RBM20: variants seen among roughly 807,000 people sequenced by gnomAD.
RBM20 encodes the protein RNA binding motif protein 20.
A neutral mutation model predicts 110.1 loss-of-function variants in RBM20; 51 were observed. That is an observed-to-expected ratio of 0.46 (90% CI 0.37 to 0.59). The LOEUF (loss-of-function observed/expected upper bound fraction) is 0.59. Among genes scored for constraint, RBM20 ranks in the 20% least tolerant of loss-of-function variants. The pLI is 0.00. For synonymous variants in RBM20, 589 were observed against 618.2 expected (o/e 0.95, Z 0.70); for missense variants, 1,512 against 1,574.9 (o/e 0.96, Z 0.68).
At chr10:110,725,226 G>C (rs1157912124) in intron 1 of RBM20, among the ~76,000 whole-genome samples, 1 of 152,206 alleles carries the variant, frequency 6.6e-6, no homozygotes, top group Non-Finnish European at 1.5e-5. Flanking sequence ...CCTTTCAAAG[G>C]CTGATGAAAG....
chr10:110,760,710 C>T (rs1415441841), intron 1 of RBM20, among the ~76,000 whole-genome samples: 2 of 149,776 alleles, frequency 1.3e-5, no homozygotes, highest in Non-Finnish European at 3.0e-5. Flanking sequence ...CAAAGTGCTG[C>T]GATTACAGGT....
chr10:110,828,257 G>A (rs1177981474), intron 12 of RBM20, among the ~76,000 whole-genome samples: 10 of 152,190 alleles, frequency 6.6e-5, no homozygotes, highest in Non-Finnish European at 1.2e-4. Flanking sequence ...CATCAGGGCC[G>A]GGGCAATATG....
chr10:110,752,945 A>ATATTTTTT (rs1433992064), intron 1 of RBM20, among the ~76,000 whole-genome samples: 2 of 109,014 alleles, frequency 1.8e-5, no homozygotes, highest in African/African-American at 7.5e-5. Context: ...ATATATATAT[A>ATATTTTTT]TTTTTTTTTT....
At chr10:110,834,306 G>A (rs570286194) in intron 13 of RBM20, among the ~76,000 whole-genome samples, 3 of 151,436 alleles carry the variant, frequency 2.0e-5, no homozygotes, top group African/African-American at 4.9e-5. Flanking sequence ...GCCATCCACC[G>A]TTTGCTCTTC....
rs1844749736 is a variant in RBM20, at chr10:110,810,416, G to A, written c.1834G>A (p.Asp612Asn). ...PGKAVAAIIQ[D>N]IHSQRERDMF... Reference sequence around the variant, plus strand: ...GAAGGCCGTGGCTGCCATCATCCAGGACATCCATTCCCAGAGGGAGAGGGA... The same window carrying A: ...GAAGGCCGTGGCTGCCATCATCCAGAACATCCATTCCCAGAGGGAGAGGGA... The change falls in exon 8 of 14, where the codon GAC becomes AAC. Residue 612 changes from aspartate to asparagine, a missense_variant. Asp to Asn is a conservative substitution (Grantham distance 23). Around this residue, in one of 3 missense-constraint regions of RBM20, gnomAD observed 1,149 missense variants for 1,169.4 expected, o/e 0.98. Coordinates refer to ENST00000369519, the MANE Select transcript of RBM20 (RefSeq NM_001134363.3). 6.4e-6 allele frequency: 10 copies of A among 1,551,562 alleles called. No individual in the cohort carries two copies. Among genetic ancestry groups the A allele is most frequent in the Non-Finnish European group, 8.7e-6 (10 of 1,146,912 alleles).
intron 2 of RBM20, among the ~76,000 whole-genome samples, chr10:110,782,466 A>C (rs1021784436): frequency 2.0e-5 from 3 of 152,336 alleles, no homozygotes; most frequent in South Asian, 2.1e-4. Flanking sequence ...ATGTCCCCCC[A>C]AAAAATGTAT....
chr10:110,711,191 G>A lies in RBM20; in HGVS notation c.191+66546G>A, dbSNP rs781008718. Among the ~76,000 whole-genome samples the A allele has an allele frequency of 2.0e-5, 3 of 151,106 alleles. No homozygotes were observed. In the South Asian group the frequency reaches 6.3e-4, roughly 32 times the overall value. On this transcript the variant is annotated intron_variant, in intron 1 of 13. Coordinates refer to ENST00000369519, the MANE Select transcript of RBM20 (RefSeq NM_001134363.3). ...CTAAAAATACAAAAATTAGCTGGGC[G>A]TGGTGGTGGGCACCTGTAATCCCAG...
At chr10:110,737,623 T>C (rs1217141193) in intron 1 of RBM20, among the ~76,000 whole-genome samples, 1 of 150,928 alleles carries the variant, frequency 6.6e-6, no homozygotes, top group South Asian at 2.1e-4. Context: ...TAGTTTGCCT[T>C]TTTTTTTTTG....
chr10:110,677,197 G>A (rs1472438584), intron 1 of RBM20, among the ~76,000 whole-genome samples: 1 of 152,056 alleles, frequency 6.6e-6, no homozygotes, highest in Non-Finnish European at 1.5e-5. Flanking sequence ...CTCTTATAAA[G>A]CCACCAGTCC....
intron 1 of RBM20, among the ~76,000 whole-genome samples, chr10:110,681,390 C>T (rs749413390): frequency 1.2e-4 from 19 of 152,198 alleles, no homozygotes; most frequent in Non-Finnish European, 2.2e-4. Context: ...TTGTTTAGTA[C>T]TTTATATTTA....
At chr10:110,664,066 C>G (rs979717457) in intron 1 of RBM20, among the ~76,000 whole-genome samples, 2 of 152,126 alleles carry the variant, frequency 1.3e-5, no homozygotes, top group African/African-American at 4.8e-5. Flanking sequence ...GATGTATTTT[C>G]TTTTAAACAA....
intron 1 of RBM20, among the ~76,000 whole-genome samples, chr10:110,679,108 T>G (rs1361388878): frequency 6.6e-6 from 1 of 152,272 alleles, no homozygotes; most frequent in Non-Finnish European, 1.5e-5. Context: ...TTATAAGTAC[T>G]CCTGTCTTCC....
intron 1 of RBM20, among the ~76,000 whole-genome samples, chr10:110,687,050 A>G (rs1008720611): frequency 2.0e-5 from 3 of 151,890 alleles, no homozygotes; most frequent in African/African-American, 7.2e-5. Flanking sequence ...AAGAAAAAAA[A>G]AAAAAAAGAA....
At chr10:110,643,875 G>A (rs905624365), upstream of RBM20, among the ~76,000 whole-genome samples, 14 of 152,194 alleles carry the variant, frequency 9.2e-5, no homozygotes, top group African/African-American at 3.4e-4. Flanking sequence ...TGCCAGGCCC[G>A]GCACACTTTG....
intron 1 of RBM20, among the ~76,000 whole-genome samples, chr10:110,764,721 T>C (rs562985448): frequency 9.9e-5 from 15 of 152,248 alleles, no homozygotes; most frequent in African/African-American, 3.6e-4. Flanking sequence ...TAGAATGTCA[T>C]TGGAATTTTC....
rs555312744 is a variant in RBM20, at chr10:110,827,145, T to C, written c.3451+3531T>C. On this transcript the variant is annotated intron_variant, in intron 12 of 13. Transcript: ENST00000369519. ...GTCCAGAGACTTACCCAGGATGACA[T>C]AGCAAACGCAGGTTAGAACTCAGGA... Among the ~76,000 whole-genome samples, 3 of 152,210 alleles carry C rather than the reference T, an allele frequency of 2.0e-5. No individual in the cohort carries two copies. The East Asian group carries it at 5.8e-4, about 29-fold the overall frequency.
chr10:110,722,941 G>A (rs1196133841), intron 1 of RBM20, among the ~76,000 whole-genome samples: 1 of 152,018 alleles, frequency 6.6e-6, no homozygotes, highest in Non-Finnish European at 1.5e-5. Context: ...GCAAAACTCT[G>A]TCTCTACTAA....
At chr10:110,771,452 G>C (rs1361279943) in intron 1 of RBM20, among the ~76,000 whole-genome samples, 1 of 152,118 alleles carries the variant, frequency 6.6e-6, no homozygotes, top group Non-Finnish European at 1.5e-5. Context: ...GTGTTTATTG[G>C]TTCCACACAC....
chr10:110,806,159 T>A (rs1301459815), intron 7 of RBM20, among the ~76,000 whole-genome samples: 1 of 151,802 alleles, frequency 6.6e-6, no homozygotes, highest in Non-Finnish European at 1.5e-5. Flanking sequence ...TCCCAGATGC[T>A]TGGGAAGCTG....
Sources: allele counts gnomAD v4.1 joint callset (sites outside exome capture counted in the v4.1 genomes callset), GRCh38; gene constraint gnomAD v4.1.1; regional missense constraint gnomAD v4.1.1; transcripts MANE v1.5; gene names NCBI Gene and HGNC (gene_info 2026-07-23, HGNC 2026-07-21).